Variants in NCAPG2 observed in about 807,000 individuals in gnomAD.
NCAPG2 encodes the protein condensin-2 complex subunit G2.
NCAPG2 carries 53 observed loss-of-function variants against 141.1 expected under a neutral mutation model. That is an observed-to-expected ratio of 0.38 (90% CI 0.30 to 0.47). NCAPG2 has a LOEUF of 0.47. NCAPG2 is among the 20% of genes least tolerant of loss of function. The pLI, the probability that NCAPG2 is intolerant of heterozygous loss-of-function variation, is 0.99. For synonymous variants in NCAPG2, 499 were observed against 490.7 expected, an observed-to-expected ratio of 1.02 and a Z score of -0.22; for missense variants, 1,087 against 1,389.0, an observed-to-expected ratio of 0.78 and a Z score of 3.46.
In NCAPG2 at chr7:158,704,732, G is replaced by A. The variant is rs1018431684; in HGVS notation, c.-48C>T. 1 of 152,236 alleles carries A rather than the reference G, an allele frequency of 6.6e-6. No individual in the cohort carries two copies. Among genetic ancestry groups the A allele is most frequent in the Non-Finnish European group, 1.5e-5 (1 of 68,112 alleles). 9.4% of individuals were successfully genotyped at this position (152,236 alleles called of 1,614,324 possible). On this transcript the variant is annotated 5_prime_UTR_variant, in exon 1 of 28. Coordinates refer to ENST00000356309, the MANE Select transcript of NCAPG2 (RefSeq NM_017760.7). ...GGCACCGCAGCTCTTACCTGGGCTC[G>A]GGGACCCGCCGTTTCCCGCGCTCGG...
At chr7:158,649,088 G>C (rs1482116062) in intron 24 of NCAPG2, among the ~76,000 whole-genome samples, 1 of 152,226 alleles carries the variant, frequency 6.6e-6, no homozygotes, top group Non-Finnish European at 1.5e-5. Context: ...GCACAAGAAA[G>C]CTGGTTTGGC....
At chr7:158,680,936 G>T in intron 9 of NCAPG2, 120 bp from the exon 10 acceptor site, 1 of 651,656 alleles carries the variant, frequency 1.5e-6, no homozygotes, top group Non-Finnish European at 2.5e-6. Flanking sequence ...GGCTCTGGCT[G>T]GCATCCACAT....
At chr7:158,695,864 C>G (rs1835410516) in intron 2 of NCAPG2, among the ~76,000 whole-genome samples, 1 of 152,240 alleles carries the variant, frequency 6.6e-6, no homozygotes, top group South Asian at 2.1e-4. Flanking sequence ...GATGCAGAAG[C>G]TGTGCAGCCC....
At position 158,652,270 on chromosome 7, in the gene NCAPG2, CCGTCCTGG is replaced by C; in HGVS notation, c.2934+15_2934+22del. ...CCCTGAAAAGCCCATCTAGCGAACC[CCGTCCTGG>C]GGAGTTCTGAGTACCCGCAGGCCTT... is the stretch of plus-strand genomic sequence containing the variant. On this transcript the variant is annotated intron_variant, in intron 23 of 27. Transcript: ENST00000356309. The C allele has an allele frequency of 6.2e-7, 1 of 1,605,526 alleles. No individual in the cohort carries two copies. Among genetic ancestry groups the C allele is most frequent in the Non-Finnish European group, 8.5e-7 (1 of 1,177,402 alleles).
At chr7:158,676,721 A>G (rs567727733) in intron 11 of NCAPG2, among the ~76,000 whole-genome samples, 1 of 152,138 alleles carries the variant, frequency 6.6e-6, no homozygotes, top group Non-Finnish European at 1.5e-5. Flanking sequence ...TATGCATGAC[A>G]TTTTCTATTA....
intron 21 of NCAPG2, 101 bp downstream of exon 21, chr7:158,655,017 A>T: frequency 7.2e-7 from 1 of 1,394,192 alleles, no homozygotes; most frequent in South Asian, 1.4e-5. Flanking sequence ...TTTTAAGAAT[A>T]ACACTAATGT....
Position 158,675,511 on chromosome 7 carries a change from G to A in NCAPG2, c.1292C>T (p.Thr431Met), listed in dbSNP as rs768243343. 1.8e-5 allele frequency: 29 copies of A among 1,611,226 alleles called. No individual in the cohort carries two copies. The highest frequency in any genetic ancestry group is 5.4e-5 in the African/African-American group (4 of 74,732). Residue 431 changes from threonine (T) to methionine (M), a missense_variant, in exon 12 of 28, where the codon ACG becomes ATG. Thr to Met is a moderately conservative substitution (Grantham distance 81, BLOSUM62 -1). Coordinates refer to ENST00000356309, the MANE Select transcript of NCAPG2 (RefSeq NM_017760.7). ...KKVTGELAFD[T>M]SSADVRCSVF... Reference sequence around the variant, plus strand: ...AGAACAACGAACATCAGCTGAGCTCGTGTCAAATGCCAGTTCCCCAGTCAC... The same window carrying A: ...AGAACAACGAACATCAGCTGAGCTCATGTCAAATGCCAGTTCCCCAGTCAC...
At chr7:158,648,277 G>A (rs529940518) in intron 24 of NCAPG2, among the ~76,000 whole-genome samples, 1 of 151,876 alleles carries the variant, frequency 6.6e-6, no homozygotes, top group African/African-American at 2.4e-5. Flanking sequence ...AGTTAAACAT[G>A]CGTGCTGAGA....
chr7:158,662,421 A>C, intron 15 of NCAPG2, 54 bp from the exon 16 acceptor site: 1 of 1,434,790 alleles, frequency 7.0e-7, no homozygotes, highest in Non-Finnish European at 9.3e-7. Flanking sequence ...AACTACTAAA[A>C]GGTAACAGCA....
intron 13 of NCAPG2, 107 bp from the exon 14 acceptor site, chr7:158,664,857 T>C (rs1832797939): frequency 4.4e-6 from 4 of 911,352 alleles, no homozygotes; most frequent in East Asian, 5.4e-5. Flanking sequence ...CTAATTTTTA[T>C]ATTTAAAAAA....
chr7:158,650,428 T>C (rs559125248), intron 24 of NCAPG2, among the ~76,000 whole-genome samples: 26 of 152,340 alleles, frequency 1.7e-4, no homozygotes, highest in African/African-American at 6.0e-4. Flanking sequence ...TGCAAAGATA[T>C]GTGAACTATT....
At position 158,687,382 on chromosome 7, in the gene NCAPG2, C is replaced by T. The variant is rs1299397260; in HGVS notation, c.733G>A (p.Gly245Arg). 2.5e-6 allele frequency: 4 copies of T among 1,610,490 alleles called. No homozygotes were observed. The highest frequency in any genetic ancestry group is 2.2e-5 in the South Asian group (2 of 90,312). Residue 245 changes from glycine to arginine, a missense_variant, in exon 7 of 28, where the codon GGG (glycine) becomes AGG (arginine). Gly to Arg is a moderately radical substitution (Grantham distance 125). Coordinates refer to ENST00000356309, the MANE Select transcript of NCAPG2 (RefSeq NM_017760.7). ...CCCTGTAACTGGTTTTTAATGGTCC[C>T]GTGGATCATTTTGATGAAGTTGATA... ...WNINFIKMIHGTIKNQLQGLQ... is the reference protein window; with the variant it reads ...WNINFIKMIHRTIKNQLQGLQ...
Position 158,648,276 on chromosome 7 carries a change from T to C in NCAPG2, c.3076-1713A>G, listed in dbSNP as rs76143379. Among the ~76,000 whole-genome samples, 759 of 151,580 alleles carry C rather than the reference T, an allele frequency of 5.0e-3. 45 individuals are homozygous for C. In the East Asian group the frequency reaches 0.12, roughly 24 times the overall value. On this transcript the variant is annotated intron_variant, in intron 24 of 27. Coordinates refer to ENST00000356309, the MANE Select transcript of NCAPG2 (RefSeq NM_017760.7). ...TGAAGGTACTGAGATAAGTTAAACATGCGTGCTGAGATCTCTAGAGAAATC... is the reference window on the plus strand; with the variant it reads ...TGAAGGTACTGAGATAAGTTAAACACGCGTGCTGAGATCTCTAGAGAAATC...
In NCAPG2 at chr7:158,656,590, C is replaced by G. The variant is rs1382780169; in HGVS notation, c.2176G>C (p.Val726Leu). 6.2e-7 allele frequency: 1 copy of G among 1,614,134 alleles called. No homozygotes were observed. The highest frequency in any genetic ancestry group is 1.7e-5 in the Admixed American group (1 of 60,024). Residue 726 changes from valine (V) to leucine (L), a missense_variant, in exon 18 of 28, where the codon GTT becomes CTT. Coordinates refer to ENST00000356309, the MANE Select transcript of NCAPG2 (RefSeq NM_017760.7). ...WGQVGHILEL[V>L]DNWLPTEHAQ... is the part of the protein sequence containing the mutation. The stretch of plus-strand genomic sequence containing the variant: ...TGCTCTGTGGGCAGCCAGTTGTCAA[C>G]AAGCTCCAGAATGTGCCCCACCTGC...
At chr7:158,645,775 T>C (rs557555125) in intron 25 of NCAPG2, among the ~76,000 whole-genome samples, 156 bp from the exon 26 acceptor site, 18 of 152,070 alleles carry the variant, frequency 1.2e-4, no homozygotes, top group African/African-American at 4.3e-4. Flanking sequence ...TCATGGAGAG[T>C]GTGCCAGATT....
intron 13 of NCAPG2, among the ~76,000 whole-genome samples, chr7:158,667,491 C>A (rs868427165): frequency 2.3e-4 from 30 of 131,064 alleles, no homozygotes; most frequent in South Asian, 7.7e-4. Context: ...GTCCCTCCGC[C>A]CGCCTTACCC....
chr7:158,689,795 A>G lies in NCAPG2; in HGVS notation c.672+24T>C, dbSNP rs1258647290. 1.9e-6 allele frequency: 3 copies of G among 1,545,040 alleles called. No homozygotes were observed. In the Admixed American group the frequency reaches 5.7e-5, roughly 29 times the overall value. ...CTATTAAGAAGCAGCTCACAAACAG[A>G]TCAAAAAACAAATACCTATTTACCT... On this transcript the variant is annotated intron_variant, in intron 6 of 27. Coordinates refer to ENST00000356309, the MANE Select transcript of NCAPG2 (RefSeq NM_017760.7).
chr7:158,631,423 T>TTC lies in NCAPG2; in HGVS notation c.*241_*242dup. 2.1e-6 allele frequency: 1 copy of TTC among 484,346 alleles called. No homozygotes were observed. Among genetic ancestry groups the TTC allele is most frequent in the Middle Eastern group, 5.3e-4 (1 of 1,890 alleles). 30.0% of individuals were successfully genotyped at this position (484,346 alleles called of 1,614,324 possible). ...AGTGTTTTTTCTTGGAATCATGGAT[T>TTC]TCTACACCATTCATACCTGGAGTCC... is the stretch of plus-strand genomic sequence containing the variant. On this transcript the variant is annotated 3_prime_UTR_variant, in exon 28 of 28. Transcript: ENST00000356309.
At position 158,639,772 on chromosome 7, in the gene NCAPG2, A is replaced by G. The variant is rs896212225; in HGVS notation, c.3380+4517T>C. 7.8e-6 allele frequency: 7 copies of G among 895,800 alleles called. No individual in the cohort carries two copies. The African/African-American group carries it at 1.3e-4, about 16-fold the overall frequency. The allele number at this position is 895,800 out of a possible 1,614,324, so 55.5% of individuals were successfully genotyped here. The stretch of plus-strand genomic sequence containing the variant: ...GCAAAACTGGTAGAGGTCCTACTGA[A>G]AAAACAAAAACAAAACACTACAAAA... On this transcript the variant is annotated intron_variant, in intron 27 of 27. Coordinates refer to ENST00000356309, the MANE Select transcript of NCAPG2 (RefSeq NM_017760.7).
Sources: allele counts gnomAD v4.1 joint callset (sites outside exome capture counted in the v4.1 genomes callset), GRCh38; gene constraint gnomAD v4.1.1; transcripts MANE v1.5; gene names NCBI Gene and HGNC (gene_info 2026-07-23, HGNC 2026-07-21).